ZPLD1: variants seen among roughly 807,000 people sequenced by gnomAD.
ZPLD1 encodes the protein zona pellucida like domain containing 1, also known as zona pellucida-like domain-containing protein 1.
Under a neutral mutation model 47.2 loss-of-function variants are expected in ZPLD1, and 34 were observed. That is an observed-to-expected ratio of 0.72 (90% confidence interval 0.55 to 0.96). The LOEUF is 0.96. ZPLD1 is among the 40% of genes least tolerant of loss of function. The probability of loss-of-function intolerance (pLI) is 0.00; values close to 1 mark genes in which losing one functional copy is unlikely to be tolerated. For synonymous variants in ZPLD1, 176 were observed against 186.2 expected, an observed-to-expected ratio of 0.95 and a Z score of 0.45; for missense variants, 512 against 505.8, an observed-to-expected ratio of 1.01 and a Z score of -0.12.
intron 3 of ZPLD1, among the ~76,000 whole-genome samples, chr3:102,448,051 G>T (rs1559754439): frequency 6.6e-6 from 1 of 152,244 alleles, no homozygotes; most frequent in East Asian, 1.9e-4. Context: ...GAAAATCTGA[G>T]ATACATAAAA....
At position 102,477,786 on chromosome 3, in the gene ZPLD1, A is replaced by G; in HGVS notation, c.*168A>G. 1 of 574,552 alleles carries G rather than the reference A, an allele frequency of 1.7e-6. No homozygotes were observed. The allele number at this position is 574,552 out of a possible 1,614,324, so 35.6% of individuals were successfully genotyped here. On this transcript the variant is annotated 3_prime_UTR_variant, in exon 12 of 12. Transcript: ENST00000466937. Reference sequence around the variant, plus strand: ...AATGATAGTGAAAGAAGTTTATTATATTGCTATTGTCACTTATGTACGTGG... The same window carrying G: ...AATGATAGTGAAAGAAGTTTATTATGTTGCTATTGTCACTTATGTACGTGG...
chr3:102,408,343 T>A (rs1706715340), intron 7 of ZPLD1, among the ~76,000 whole-genome samples: 1 of 151,884 alleles, frequency 6.6e-6, no homozygotes, highest in African/African-American at 2.4e-5. Flanking sequence ...AGCCCAACCC[T>A]GTAGTTGCCA....
At chr3:102,446,871 C>G (rs1471992494) in intron 3 of ZPLD1, among the ~76,000 whole-genome samples, 1 of 152,076 alleles carries the variant, frequency 6.6e-6, no homozygotes, top group Non-Finnish European at 1.5e-5. Flanking sequence ...GAAACAGGGT[C>G]TTTTGTTAAT....
chr3:102,460,416 T>C lies in ZPLD1; in HGVS notation c.583-1865T>C, dbSNP rs144502860. 3.0e-3 allele frequency among the ~76,000 whole-genome samples: 458 copies of C among 152,122 alleles called. 1 individual carries two copies. Among genetic ancestry groups the C allele is most frequent in the African/African-American group, 0.01 (421 of 41,556 alleles). ...AAACCAATGACTTCTATCAGCTATG[T>C]GATTTTCATATATGCAGATTACCAG... On this transcript the variant is annotated intron_variant, in intron 6 of 11. Coordinates refer to ENST00000466937, the MANE Select transcript of ZPLD1 (RefSeq NM_001329788.2).
At chr3:102,473,617 C>T (rs552366044) in intron 10 of ZPLD1, among the ~76,000 whole-genome samples, 18 of 152,230 alleles carry the variant, frequency 1.2e-4, no homozygotes, top group East Asian at 3.9e-4. Context: ...ACAATTTTGG[C>T]GTGGTCTTCT....
chr3:102,404,077 C>T (rs1706654564), intron 7 of ZPLD1, among the ~76,000 whole-genome samples: 1 of 151,910 alleles, frequency 6.6e-6, no homozygotes, highest in Non-Finnish European at 1.5e-5. Context: ...CTGCAGAAAA[C>T]TGCCTATATT....
At chr3:102,470,069 AT>A (rs1707657268) in intron 9 of ZPLD1, among the ~76,000 whole-genome samples, 1 of 152,172 alleles carries the variant, frequency 6.6e-6, no homozygotes, top group South Asian at 2.1e-4. Context: ...GCTGACCAAC[AT>A]TTCCGGGAAG....
At chr3:102,473,809 G>A (rs1707719466) in intron 10 of ZPLD1, among the ~76,000 whole-genome samples, 1 of 152,108 alleles carries the variant, frequency 6.6e-6, no homozygotes, top group Non-Finnish European at 1.5e-5. Flanking sequence ...TCAACTTCAT[G>A]ACCAGAACTA....
chr3:102,473,114 A>T (rs887830480), intron 10 of ZPLD1, among the ~76,000 whole-genome samples: 1 of 152,152 alleles, frequency 6.6e-6, no homozygotes, highest in Admixed American at 6.6e-5. Context: ...ATGGGAAAAA[A>T]ACCCATCCCC....
chr3:102,448,720 G>A (rs1707294874), intron 3 of ZPLD1, among the ~76,000 whole-genome samples: 2 of 152,192 alleles, frequency 1.3e-5, no homozygotes, highest in South Asian at 2.1e-4. Flanking sequence ...ACAGAAAAGA[G>A]CACTACATCT....
intron 8 of ZPLD1, among the ~76,000 whole-genome samples, chr3:102,422,906 A>G (rs1345940581): frequency 1.3e-5 from 2 of 152,056 alleles, no homozygotes; most frequent in East Asian, 1.9e-4. Context: ...CAGGGACATG[A>G]CATGATCAGG....
intron 3 of ZPLD1, among the ~76,000 whole-genome samples, chr3:102,449,579 A>G (rs1392085142): frequency 6.6e-6 from 1 of 152,162 alleles, no homozygotes; most frequent in Non-Finnish European, 1.5e-5. Flanking sequence ...CAGCTTATCC[A>G]TGGTCCATTA....
intron 3 of ZPLD1, among the ~76,000 whole-genome samples, chr3:102,442,421 A>G (rs1306487655): frequency 6.6e-6 from 1 of 152,026 alleles, no homozygotes; most frequent in Non-Finnish European, 1.5e-5. Context: ...TAATAACACA[A>G]ATATTAATAA....
upstream of ZPLD1, among the ~76,000 whole-genome samples, chr3:102,431,371 A>G (rs1707013779): frequency 6.6e-6 from 1 of 152,200 alleles, no homozygotes; most frequent in South Asian, 2.1e-4. Context: ...ATTATTCTGA[A>G]AGTACATGGT....
At chr3:102,463,345 A>G (rs61036651) in intron 7 of ZPLD1, among the ~76,000 whole-genome samples, 4,589 of 152,308 alleles carry the variant, frequency 0.03, 186 homozygotes, top group African/African-American at 0.094. Context: ...ATTTGGTATT[A>G]TAACATTCTC....
At chr3:102,433,100 G>A (rs1707036233), upstream of ZPLD1, among the ~76,000 whole-genome samples, 1 of 152,102 alleles carries the variant, frequency 6.6e-6, no homozygotes, top group Non-Finnish European at 1.5e-5. Flanking sequence ...TCTGATTGCT[G>A]TACCTCAGCA....
intron 5 of ZPLD1, among the ~76,000 whole-genome samples, chr3:102,457,329 C>T (rs953859746): frequency 3.3e-5 from 5 of 152,208 alleles, no homozygotes; most frequent in African/African-American, 1.2e-4. Flanking sequence ...AGTCCACACA[C>T]TGAACACATT....
intron 6 of ZPLD1, among the ~76,000 whole-genome samples, chr3:102,386,687 A>G (rs1706428430): frequency 6.6e-6 from 1 of 152,202 alleles, no homozygotes; most frequent in Admixed American, 6.5e-5. Context: ...TATTAAAGAC[A>G]AATTGAAATC....
At chr3:102,396,126 C>G (rs994549238) in intron 7 of ZPLD1, among the ~76,000 whole-genome samples, 18 of 152,238 alleles carry the variant, frequency 1.2e-4, no homozygotes, top group African/African-American at 3.9e-4. Flanking sequence ...CTAGGAGAAG[C>G]ATTTGTCAGG....
Sources: allele counts gnomAD v4.1 joint callset (sites outside exome capture counted in the v4.1 genomes callset), GRCh38; gene constraint gnomAD v4.1.1; transcripts MANE v1.5; gene names NCBI Gene and HGNC (gene_info 2026-07-23, HGNC 2026-07-21).